The following ADGRL2 variants were observed in gnomAD, a reference collection of about 807,000 sequenced individuals.
The protein encoded by ADGRL2 is calcium-independent alpha-latrotoxin receptor 2.
ADGRL2 carries 44 observed loss-of-function variants against 157.4 expected under a neutral mutation model. The ratio of observed to expected loss-of-function variants is 0.28; its 90% confidence interval spans 0.22 to 0.36. The LOEUF (loss-of-function observed/expected upper bound fraction) is 0.36, where lower values mean the gene tolerates loss of function less well. Ranked by LOEUF, ADGRL2 falls within the 10% of genes least tolerant of loss-of-function variation. The pLI, the probability that ADGRL2 is intolerant of heterozygous loss-of-function variation, is 1.00. For synonymous variants in ADGRL2, 585 were observed against 624.7 expected (o/e 0.94, Z 0.95); for missense variants, 1,510 against 1,768.9 (o/e 0.85, Z 2.63).
chr1:81,641,818 A>C (rs1214333042), intron 3 of ADGRL2, among the ~76,000 whole-genome samples: 2 of 152,186 alleles, frequency 1.3e-5, no homozygotes, highest in South Asian at 4.1e-4. Context: ...GAAGAAATGA[A>C]ATAATAAGCA....
At chr1:81,310,927 C>A (rs548646731) in intron 1 of ADGRL2, among the ~76,000 whole-genome samples, 17 of 151,346 alleles carry the variant, frequency 1.1e-4, no homozygotes, top group Non-Finnish European at 2.4e-4. Context: ...TAGAAACATT[C>A]AATGGAGTTA....
intron 3 of ADGRL2, among the ~76,000 whole-genome samples, chr1:81,912,058 CTTTTATTTTTTTTTATT>C (rs900929103): frequency 9.9e-5 from 15 of 151,300 alleles, no homozygotes; most frequent in Non-Finnish European, 1.3e-4. Context: ...TATGATGTTT[CTTTTATTTTTTTTTATT>C]TTTTATTTTT....
intron 17 of ADGRL2, among the ~76,000 whole-genome samples, chr1:81,977,818 AC>A (rs1235042718): frequency 6.6e-6 from 1 of 151,640 alleles, no homozygotes; most frequent in Non-Finnish European, 1.5e-5. Flanking sequence ...AGGAAAAAAA[AC>A]CCTTATGTTC....
intron 2 of ADGRL2, among the ~76,000 whole-genome samples, chr1:81,853,134 T>C (rs750353690): frequency 1.4e-4 from 22 of 152,248 alleles, no homozygotes; most frequent in Admixed American, 3.9e-4. Context: ...CTGTTTCAAA[T>C]TGACAGGCAG....
intron 2 of ADGRL2, among the ~76,000 whole-genome samples, chr1:81,839,574 C>G (rs988879726): frequency 2.0e-5 from 3 of 151,634 alleles, no homozygotes; most frequent in Non-Finnish European, 4.4e-5. Context: ...TTGTGTTATT[C>G]TTATGCCTTT....
intron 1 of ADGRL2, among the ~76,000 whole-genome samples, chr1:81,375,341 G>A (rs1022151717): frequency 4.6e-5 from 7 of 152,010 alleles, no homozygotes; most frequent in Non-Finnish European, 8.8e-5. Flanking sequence ...GAAGTGGAGC[G>A]GTAAAGCAGG....
At chr1:81,705,560 A>G (rs1273684690) in intron 1 of ADGRL2, among the ~76,000 whole-genome samples, 1 of 151,876 alleles carries the variant, frequency 6.6e-6, no homozygotes. Flanking sequence ...AGCAGCTCTT[A>G]AACGGCAAAA....
At chr1:81,674,339 G>C (rs925240687) in intron 3 of ADGRL2, among the ~76,000 whole-genome samples, 1 of 152,144 alleles carries the variant, frequency 6.6e-6, no homozygotes, top group Non-Finnish European at 1.5e-5. Context: ...GTCCTCCTAG[G>C]AGAACTCTAA....
In ADGRL2 at chr1:81,370,145, CA is replaced by C. The variant is rs111889360; in HGVS notation, c.-302+63645del. Reference sequence around the variant, plus strand: ...TTTGGAGGGGAACTGCCAGAAAAAACAAAAAAAAAGGCTCTAACTTAATAAT... The same window carrying C: ...TTTGGAGGGGAACTGCCAGAAAAAACAAAAAAAAGGCTCTAACTTAATAAT... On this transcript the variant is annotated intron_variant, in intron 1 of 24. Coordinates refer to the ADGRL2 transcript ENST00000370721. Among the ~76,000 whole-genome samples the C allele has an allele frequency of 1.4e-4, 21 of 149,044 alleles. 1 individual carries two copies. Among genetic ancestry groups the C allele is most frequent in the Admixed American group, 6.7e-4 (10 of 14,992 alleles).
chr1:81,800,794 G>C (rs1571276479), upstream of ADGRL2, among the ~76,000 whole-genome samples: 3 of 151,434 alleles, frequency 2.0e-5, no homozygotes, highest in East Asian at 3.9e-4. Flanking sequence ...CTAGGGGTTA[G>C]CGGTTGAATG....
At chr1:81,799,562 GCTTT>G (rs1240487718), upstream of ADGRL2, among the ~76,000 whole-genome samples, 1 of 152,090 alleles carries the variant, frequency 6.6e-6, no homozygotes, top group Non-Finnish European at 1.5e-5. Flanking sequence ...CACCTATCTG[GCTTT>G]CTGACAAAAT....
intron 1 of ADGRL2, among the ~76,000 whole-genome samples, chr1:81,747,521 C>T (rs1571056748): frequency 1.3e-5 from 2 of 151,990 alleles, no homozygotes; most frequent in East Asian, 1.9e-4. Context: ...AGGCTGGTCT[C>T]AAACTCCTGA....
intron 2 of ADGRL2, among the ~76,000 whole-genome samples, chr1:81,525,996 A>G (rs1339898379): frequency 6.6e-6 from 1 of 152,224 alleles, no homozygotes; most frequent in Non-Finnish European, 1.5e-5. Flanking sequence ...CTTGGTGCAC[A>G]ACCCATGACA....
Position 81,508,940 on chromosome 1 carries a change from A to C in ADGRL2, c.-248+63851A>C, listed in dbSNP as rs186281020. Among the ~76,000 whole-genome samples, 14 of 152,322 alleles carry C rather than the reference A, an allele frequency of 9.2e-5. 1 individual carries two copies. In the East Asian group the frequency reaches 2.7e-3, roughly 29 times the overall value. On this transcript the variant is annotated intron_variant, in intron 2 of 24. Transcript: ENST00000370721. ...CCCAGCCCATGTGACCTTCTTTTCT[A>C]GGTTCAGATCAAAGAACTGTTGATC...
chr1:81,790,254 T>C (rs1289864175), intron 2 of ADGRL2, among the ~76,000 whole-genome samples: 1 of 152,044 alleles, frequency 6.6e-6, no homozygotes, highest in African/African-American at 2.4e-5. Context: ...ACCTATCTAA[T>C]GCACGCACAC....
chr1:81,457,366 A>T lies in ADGRL2; in HGVS notation c.-248+12277A>T, dbSNP rs542438812. ...CCACTCTTAATGAACTAGGAAAATT[A>T]ATTTATTTATTAATTTATTTTTTGA... On this transcript the variant is annotated intron_variant, in intron 2 of 24. Coordinates refer to the ADGRL2 transcript ENST00000370721. Among the ~76,000 whole-genome samples the T allele has an allele frequency of 2.0e-5, 3 of 152,248 alleles. No individual in the cohort carries two copies. The South Asian group carries it at 6.2e-4, about 32-fold the overall frequency.
intron 1 of ADGRL2, among the ~76,000 whole-genome samples, chr1:81,390,648 T>C (rs964857896): frequency 6.6e-6 from 1 of 152,302 alleles, no homozygotes; most frequent in Admixed American, 6.5e-5. Flanking sequence ...ATTTATGTAG[T>C]TTTTCATACA....
chr1:81,799,689 C>G (rs2149449552), upstream of ADGRL2, among the ~76,000 whole-genome samples: 1 of 152,162 alleles, frequency 6.6e-6, no homozygotes. Context: ...CCTGCAGCAC[C>G]AAAAAGTACC....
chr1:81,848,754 T>A (rs556671646), intron 2 of ADGRL2, among the ~76,000 whole-genome samples: 107 of 152,070 alleles, frequency 7.0e-4, no homozygotes, highest in South Asian at 1.2e-3. Context: ...AAGCATATAT[T>A]TTTTAAAAAG....
Sources: allele counts gnomAD v4.1 joint callset (sites outside exome capture counted in the v4.1 genomes callset), GRCh38; gene constraint gnomAD v4.1.1; transcripts MANE v1.5; gene names NCBI Gene and HGNC (gene_info 2026-07-23, HGNC 2026-07-21).